Variants in KLHDC1 observed in about 807,000 individuals in gnomAD.
KLHDC1 encodes kelch domain-containing protein 1.
KLHDC1 carries 53 observed loss-of-function variants against 68.3 expected under a neutral mutation model. The observed-to-expected ratio is 0.78, with a 90% confidence interval of 0.62 to 0.98. The LOEUF (loss-of-function observed/expected upper bound fraction) is 0.98. KLHDC1 is among the 50% of genes least tolerant of loss of function. The pLI is 0.00. For missense variants in KLHDC1, 470 were observed against 492.3 expected (o/e 0.95, Z 0.43); for synonymous variants, 148 against 159.0 (o/e 0.93, Z 0.52).
intron 1 of KLHDC1, among the ~76,000 whole-genome samples, chr14:49,698,501 CT>C (rs1020345518): frequency 6.7e-6 from 1 of 149,460 alleles, no homozygotes; most frequent in African/African-American, 2.5e-5. Context: ...CGCGCTCGGC[CT>C]TTGTTTTTTG....
At chr14:49,741,265 C>A (rs1038197692) in intron 11 of KLHDC1, among the ~76,000 whole-genome samples, 1 of 151,942 alleles carries the variant, frequency 6.6e-6, no homozygotes, top group African/African-American at 2.4e-5. Context: ...TACTAGCTTG[C>A]CCCTTCAAGA....
chr14:49,699,626 A>G (rs376103679), intron 1 of KLHDC1, among the ~76,000 whole-genome samples: 36 of 152,286 alleles, frequency 2.4e-4, no homozygotes, highest in Middle Eastern at 3.4e-3. Context: ...GATACAAACA[A>G]TGTATTAAAA....
intron 4 of KLHDC1, among the ~76,000 whole-genome samples, chr14:49,714,091 C>T (rs1034525370): frequency 1.1e-4 from 17 of 150,234 alleles, no homozygotes; most frequent in African/African-American, 4.1e-4. Context: ...AAGTGATCCA[C>T]CCGCCTTGGC....
intron 4 of KLHDC1, among the ~76,000 whole-genome samples, chr14:49,714,583 G>C (rs1219267917): frequency 6.6e-6 from 1 of 151,748 alleles, no homozygotes; most frequent in Non-Finnish European, 1.5e-5. Flanking sequence ...AGATCAGCCT[G>C]GGCAACACAG....
chr14:49,701,081 C>CA (rs1176668641), intron 1 of KLHDC1, among the ~76,000 whole-genome samples: 130 of 108,740 alleles, frequency 1.2e-3, no homozygotes, highest in Middle Eastern at 5.2e-3. Context: ...GACTCCATCT[C>CA]AAAAAAAAAA....
At chr14:49,722,049 T>A (rs533014416) in intron 4 of KLHDC1, among the ~76,000 whole-genome samples, 1 of 152,244 alleles carries the variant, frequency 6.6e-6, no homozygotes. Context: ...TGTTGGTGAC[T>A]GACCCTGATC....
chr14:49,729,417 C>A, intron 7 of KLHDC1, 73 bp from the exon 8 acceptor site: 3 of 946,828 alleles, frequency 3.2e-6, no homozygotes, highest in Non-Finnish European at 5.1e-6. Context: ...TTAATCTGAA[C>A]TTACTTTAAA....
intron 10 of KLHDC1, among the ~76,000 whole-genome samples, chr14:49,736,904 G>A (rs1308592777): frequency 1.3e-5 from 2 of 152,232 alleles, no homozygotes; most frequent in African/African-American, 4.8e-5. Context: ...GTTCTACAGT[G>A]TAGCACTCCT....
At chr14:49,751,457 T>G (rs1889318387) in intron 12 of KLHDC1, 129 bp from the exon 13 acceptor site, 2 of 455,074 alleles carry the variant, frequency 4.4e-6, no homozygotes, top group Non-Finnish European at 3.7e-6. Flanking sequence ...TGACAAAAAT[T>G]AAAAATTAAA....
At chr14:49,697,560 G>A (rs542520570) in intron 1 of KLHDC1, among the ~76,000 whole-genome samples, 1 of 152,188 alleles carries the variant, frequency 6.6e-6, no homozygotes, top group Non-Finnish European at 1.5e-5. Flanking sequence ...CTCAATGCAG[G>A]GTTGCCACAA....
intron 12 of KLHDC1, among the ~76,000 whole-genome samples, chr14:49,744,528 G>GA (rs1889146668): frequency 6.6e-6 from 1 of 151,912 alleles, no homozygotes; most frequent in Admixed American, 6.6e-5. Flanking sequence ...TCGGTTCCAG[G>GA]AAAACCCCCA....
intron 11 of KLHDC1, among the ~76,000 whole-genome samples, chr14:49,743,215 G>A (rs1889110584): frequency 1.3e-5 from 2 of 151,724 alleles, no homozygotes; most frequent in Admixed American, 1.3e-4. Context: ...TGGCCAACAT[G>A]GCGAAACCTT....
At position 49,743,729 on chromosome 14, in the gene KLHDC1, TAATG is replaced by T. The variant is rs763444967; in HGVS notation, c.982-23_982-20del. On this transcript the variant is annotated intron_variant, in intron 11 of 12. Coordinates refer to ENST00000359332, the MANE Select transcript of KLHDC1 (RefSeq NM_172193.3). ...ATTGTTATTTTTATCAAAAACTTAA[TAATG>T]CCTTTTTTGTGTTGATTAGGGTCAC... 2 of 1,475,308 alleles carry T rather than the reference TAATG, an allele frequency of 1.4e-6. No individual in the cohort carries two copies. Among genetic ancestry groups the T allele is most frequent in the Admixed American group, 1.9e-5 (1 of 52,718 alleles). The allele number at this position is 1,475,308 out of a possible 1,614,324, so 91.4% of individuals were successfully genotyped here.
chr14:49,712,502 C>CT (rs776185436), intron 4 of KLHDC1, among the ~76,000 whole-genome samples: 4,034 of 133,650 alleles, frequency 0.03, 113 homozygotes, highest in African/African-American at 0.074. Flanking sequence ...CATAGATTTT[C>CT]TTTTTTTTTT....
intron 11 of KLHDC1, among the ~76,000 whole-genome samples, chr14:49,740,521 TAG>T (rs1463293949): frequency 2.0e-5 from 3 of 152,028 alleles, no homozygotes; most frequent in Non-Finnish European, 2.9e-5. Context: ...GTATTTTTAG[TAG>T]AGAGACGGGG....
At chr14:49,729,893 G>A (rs998741614) in intron 8 of KLHDC1, among the ~76,000 whole-genome samples, 3 of 152,290 alleles carry the variant, frequency 2.0e-5, no homozygotes, top group Admixed American at 2.0e-4. Context: ...CTCATAATAT[G>A]TATTTAACAA....
At chr14:49,732,888 T>C (rs1594675897) in intron 9 of KLHDC1, 72 bp downstream of exon 9, 1 of 784,746 alleles carries the variant, frequency 1.3e-6, no homozygotes, top group Non-Finnish European at 2.1e-6. Flanking sequence ...ATACTTACAG[T>C]GAAGTAAATC....
chr14:49,744,260 C>G (rs1310385766), intron 12 of KLHDC1, among the ~76,000 whole-genome samples: 2 of 151,844 alleles, frequency 1.3e-5, no homozygotes, highest in Non-Finnish European at 2.9e-5. Flanking sequence ...TTCCTGTACT[C>G]CAGCCTGGAA....
At chr14:49,741,894 G>A (rs751844607) in intron 11 of KLHDC1, among the ~76,000 whole-genome samples, 19 of 152,118 alleles carry the variant, frequency 1.2e-4, no homozygotes, top group Non-Finnish European at 2.6e-4. Flanking sequence ...GGGGTATGGT[G>A]AGCCAGAGCC....
Sources: allele counts gnomAD v4.1 joint callset (sites outside exome capture counted in the v4.1 genomes callset), GRCh38; gene constraint gnomAD v4.1.1; transcripts MANE v1.5; gene names NCBI Gene and HGNC (gene_info 2026-07-23, HGNC 2026-07-21).